The following IGLL5 variants were observed in gnomAD, a reference collection of about 807,000 sequenced individuals.
IGLL5 encodes the protein immunoglobulin lambda-like polypeptide 5.
In IGLL5, 30 loss-of-function variants were observed where a neutral mutation model predicts 20.9. The observed-to-expected ratio is 1.44, with a 90% CI of 1.07 to 1.95. The LOEUF is 1.95. Among genes scored for constraint, IGLL5 ranks in the 30% most tolerant of loss-of-function variants. IGLL5 has a pLI of 0.00. For synonymous variants in IGLL5, 203 were observed against 117.3 expected (o/e 1.73, Z -4.72); for missense variants, 475 against 270.7 (o/e 1.75, Z -5.30).
intron 1 of IGLL5, among the ~76,000 whole-genome samples, chr22:22,889,287 A>T (rs2067704305): frequency 6.6e-6 from 1 of 150,952 alleles, no homozygotes; most frequent in Admixed American, 6.7e-5. Context: ...TGGGAGCATG[A>T]AGTTGAAGTG....
At chr22:22,888,965 A>T in intron 1 of IGLL5, among the ~76,000 whole-genome samples, 1 of 151,314 alleles carries the variant, frequency 6.6e-6, no homozygotes, top group Non-Finnish European at 1.5e-5. Context: ...AGAGGAGAGG[A>T]GAGCACAGGA....
intron 2 of IGLL5, among the ~76,000 whole-genome samples, chr22:22,894,445 A>C (rs137994100): frequency 4.0e-5 from 6 of 151,284 alleles, no homozygotes; most frequent in African/African-American, 9.7e-5. Flanking sequence ...CCAGAATCCA[A>C]CCCTCCCAGG....
At chr22:22,888,822 G>T (rs529465690) in intron 1 of IGLL5, among the ~76,000 whole-genome samples, 2 of 151,434 alleles carry the variant, frequency 1.3e-5, no homozygotes, top group East Asian at 2.0e-4. Context: ...TCCAGTCATT[G>T]GAACAGGCCC....
intron 2 of IGLL5, among the ~76,000 whole-genome samples, chr22:22,894,572 AG>A: frequency 6.6e-6 from 1 of 151,438 alleles, no homozygotes; most frequent in Admixed American, 6.6e-5. Flanking sequence ...CCTTCCTCAA[AG>A]GGCATGTTAG....
At position 22,888,820 on chromosome 22, in the gene IGLL5, T is replaced by A. The variant is rs192050660; in HGVS notation, c.206+561T>A. ...TGAACCGAGGGGAGCTGTCCAGTCA[T>A]TGGAACAGGCCCACGGCCCATGTTT... On this transcript the variant is annotated intron_variant, in intron 1 of 2. Coordinates refer to ENST00000526893, the MANE Select transcript of IGLL5 (RefSeq NM_001178126.2). 2.6e-5 allele frequency among the ~76,000 whole-genome samples: 4 copies of A among 151,244 alleles called. 1 individual carries two copies. The highest frequency in any genetic ancestry group is 2.0e-4 in the East Asian group (1 of 4,902).
chr22:22,895,979 T>G lies in IGLL5; in HGVS notation c.*285T>G. 1 of 559,164 alleles carries G rather than the reference T, an allele frequency of 1.8e-6. No homozygotes were observed. The highest frequency in any genetic ancestry group is 3.1e-5 in the Admixed American group (1 of 32,208). 34.6% of individuals were successfully genotyped at this position (559,164 alleles called of 1,614,324 possible). The stretch of plus-strand genomic sequence containing the variant: ...CTCCCTGAGTCATCTCCCCAGAGGG[T>G]CCTTCCTCTCCCAGTCACCCCTTCT... On this transcript the variant is annotated 3_prime_UTR_variant, in exon 3 of 3. Coordinates refer to ENST00000526893, the MANE Select transcript of IGLL5 (RefSeq NM_001178126.2).
intron 1 of IGLL5, among the ~76,000 whole-genome samples, chr22:22,892,618 T>C (rs2067883957): frequency 6.6e-6 from 1 of 150,766 alleles, no homozygotes; most frequent in South Asian, 2.1e-4. Context: ...GAAAGAAGTT[T>C]AGTTGTGATC....
At chr22:22,888,667 T>C (rs191526460) in intron 1 of IGLL5, among the ~76,000 whole-genome samples, 6 of 151,214 alleles carry the variant, frequency 4.0e-5, no homozygotes, top group East Asian at 2.0e-4. Context: ...TCCTGCCCAG[T>C]GAGGGCAGGG....
rs546770258 is a variant in IGLL5 at position 22,889,545 on chromosome 22, A to G, written c.206+1286A>G. On this transcript the variant is annotated intron_variant, in intron 1 of 2. Transcript: ENST00000526893. ...GGAGAAAACTGGAAAAAATCCAAAT[A>G]TCTACCAGAAAGGGTGTGAAAAAAC... Among the ~76,000 whole-genome samples the G allele has an allele frequency of 1.1e-3, 163 of 151,208 alleles. 6 individuals carry two copies. In the South Asian group the frequency reaches 0.033, roughly 30 times the overall value.
Position 22,893,914 on chromosome 22 carries a change from C to G in IGLL5, c.325+96C>G, listed in dbSNP as rs1601621746. ...TGGGGCTTCCTCCCCTCTGTCCTCC[C>G]AGCCTTAAGCACTGACCCTTACCTT... On this transcript the variant is annotated intron_variant, in intron 2 of 2. Coordinates refer to ENST00000526893, the MANE Select transcript of IGLL5 (RefSeq NM_001178126.2). The G allele has an allele frequency of 3.5e-6, 3 of 862,124 alleles. 1 individual carries two copies. Among genetic ancestry groups the G allele is most frequent in the Non-Finnish European group, 6.0e-6 (3 of 503,600 alleles). The allele number at this position is 862,124 out of a possible 1,614,324, so 53.4% of individuals were successfully genotyped here. A position where few individuals can be genotyped will look rare whatever the true frequency, so the allele number is the denominator to read the frequency against.
chr22:22,888,878 G>A (rs575612080), intron 1 of IGLL5, among the ~76,000 whole-genome samples: 6 of 151,402 alleles, frequency 4.0e-5, no homozygotes, highest in Middle Eastern at 3.7e-3. Context: ...TCTCCCTCTG[G>A]GATGATGCCC....
At chr22:22,889,064 G>C (rs527586028) in intron 1 of IGLL5, among the ~76,000 whole-genome samples, 4 of 151,328 alleles carry the variant, frequency 2.6e-5, no homozygotes, top group East Asian at 4.1e-4. Context: ...CGAGTCCTTG[G>C]ATGGATTTAG....
chr22:22,894,030 C>G lies in IGLL5; in HGVS notation c.325+212C>G, dbSNP rs142600260. 7.2e-3 allele frequency among the ~76,000 whole-genome samples: 1,083 copies of G among 150,126 alleles called. 19 individuals carry two copies. The highest frequency in any genetic ancestry group is 0.026 in the African/African-American group (1,028 of 40,204). On this transcript the variant is annotated intron_variant, in intron 2 of 2. Transcript: ENST00000526893. ...GGAGCAGCCGGATGCAGCCTGGTCC[C>G]GGGGCCTGAGCTGGGATTGGGCAGG...
At chr22:22,888,976 TGAGGCTGG>T in intron 1 of IGLL5, among the ~76,000 whole-genome samples, 1 of 151,286 alleles carries the variant, frequency 6.6e-6, no homozygotes, top group African/African-American at 2.4e-5. Context: ...GAGCACAGGA[TGAGGCTGG>T]GAGCTCCTGG....
intron 1 of IGLL5, among the ~76,000 whole-genome samples, chr22:22,889,268 C>T (rs1444014105): frequency 2.0e-5 from 3 of 151,004 alleles, no homozygotes; most frequent in South Asian, 2.1e-4. Flanking sequence ...GGCCCAGTTT[C>T]CTATGAAATG....
intron 1 of IGLL5, 55 bp downstream of exon 1, chr22:22,888,314 G>A (rs527809059): frequency 2.7e-6 from 4 of 1,502,718 alleles, no homozygotes; most frequent in East Asian, 2.5e-5. Context: ...AGCTGGGAAA[G>A]GGTGACCAAG....
At chr22:22,894,901 G>C (rs150152630) in intron 2 of IGLL5, among the ~76,000 whole-genome samples, 3 of 151,436 alleles carry the variant, frequency 2.0e-5, no homozygotes, top group South Asian at 2.1e-4. Flanking sequence ...TTCAAAGCAG[G>C]CTTGGGTCTC....
At position 22,887,862 on chromosome 22, in the gene IGLL5, C is replaced by T. The variant is rs2067551668; in HGVS notation, c.-192C>T. ...GTAGATGCCCCTCTGGGAGAGATCC[C>T]CAGGGGTGACAGCCATGGACCCTGG... is the stretch of plus-strand genomic sequence containing the variant. On this transcript the variant is annotated 5_prime_UTR_variant, in exon 1 of 3. Transcript: ENST00000526893. The T allele has an allele frequency of 3.2e-6, 2 of 626,230 alleles. No individual in the cohort carries two copies. The highest frequency in any genetic ancestry group is 5.3e-5 in the Admixed American group (2 of 37,534). 38.8% of individuals were successfully genotyped at this position (626,230 alleles called of 1,614,324 possible).
At chr22:22,893,988 GA>G (rs2067962405) in intron 2 of IGLL5, among the ~76,000 whole-genome samples, 170 bp downstream of exon 2, 2 of 151,572 alleles carry the variant, frequency 1.3e-5, no homozygotes, top group Admixed American at 6.6e-5. Context: ...TAACCGGCAG[GA>G]AGGGCCTCCA....
Sources: gnomAD v4.1 joint callset for allele counts (sites outside exome capture counted in the v4.1 genomes callset) on GRCh38, gnomAD v4.1.1 for gene constraint, MANE v1.5 for transcripts, NCBI Gene and HGNC (gene_info 2026-07-23, HGNC 2026-07-21) for gene names.